The following PCDH15 variants were observed in gnomAD, a reference collection of about 807,000 sequenced individuals.
The protein encoded by PCDH15 is protocadherin-15.
In PCDH15, 129 loss-of-function variants were observed where a neutral mutation model predicts 178.5. The ratio of observed to expected loss-of-function variants is 0.72; its 90% CI spans 0.63 to 0.84. PCDH15 has a LOEUF of 0.84. Ranked by LOEUF, PCDH15 falls within the 40% of genes least tolerant of loss-of-function variation. PCDH15 has a pLI of 0.00. For missense variants in PCDH15, 2,230 were observed against 2,099.9 expected, an observed-to-expected ratio of 1.06 and a Z score of -1.21; for synonymous variants, 800 against 732.0, an observed-to-expected ratio of 1.09 and a Z score of -1.50.
At chr10:55,312,207 G>A (rs1162133978) in intron 1 of PCDH15, among the ~76,000 whole-genome samples, 1 of 152,168 alleles carries the variant, frequency 6.6e-6, no homozygotes, top group East Asian at 1.9e-4. Context: ...GCCGAAGAAA[G>A]CTATTAACTT....
chr10:54,491,669 T>C (rs1427985861), intron 3 of PCDH15, among the ~76,000 whole-genome samples: 1 of 152,184 alleles, frequency 6.6e-6, no homozygotes, highest in Non-Finnish European at 1.5e-5. Flanking sequence ...TTAAGAGCAA[T>C]ACAGAGAAGA....
intron 26 of PCDH15, among the ~76,000 whole-genome samples, chr10:53,871,197 T>A (rs1409328275): frequency 6.8e-6 from 1 of 147,528 alleles, no homozygotes; most frequent in Non-Finnish European, 1.5e-5. Flanking sequence ...AAAAATTAGC[T>A]GGGCGTCGTG....
rs538361756 is a variant in PCDH15, at chr10:55,329,909, G to T, written c.-155-163258C>A. ...ACAAATATGTAACTGTTTAATTAGG[G>T]TAATAGAGACTCCAATGTGGACACT... On this transcript the variant is annotated intron_variant, in intron 2 of 5. Coordinates refer to the PCDH15 transcript ENST00000613346. 5.3e-5 allele frequency among the ~76,000 whole-genome samples: 8 copies of T among 151,610 alleles called. No homozygotes were observed. The South Asian group carries it at 1.7e-3, about 32-fold the overall frequency.
chr10:54,351,564 T>C (rs1483075945), intron 5 of PCDH15, among the ~76,000 whole-genome samples: 1 of 152,182 alleles, frequency 6.6e-6, no homozygotes, highest in African/African-American at 2.4e-5. Flanking sequence ...AATTTCTTCA[T>C]ATTTTAATAT....
intron 23 of PCDH15, 29 bp downstream of exon 23, chr10:53,959,703 G>T: frequency 6.6e-7 from 1 of 1,523,036 alleles, no homozygotes; most frequent in Non-Finnish European, 9.1e-7. Context: ...AACATTTCGT[G>T]TATTTCAAAA....
intron 3 of PCDH15, among the ~76,000 whole-genome samples, chr10:54,417,321 C>A (rs1423845436): frequency 2.0e-5 from 3 of 152,010 alleles, no homozygotes; most frequent in Non-Finnish European, 4.4e-5. Context: ...TTTTTAAATA[C>A]TGGGACTTTT....
chr10:55,263,951 G>C (rs1482163464), intron 1 of PCDH15, among the ~76,000 whole-genome samples: 1 of 151,342 alleles, frequency 6.6e-6, no homozygotes, highest in South Asian at 2.1e-4. Flanking sequence ...TGCCAGGATG[G>C]TCTCGATCTC....
intron 1 of PCDH15, among the ~76,000 whole-genome samples, chr10:55,234,017 A>AT: frequency 6.6e-6 from 1 of 152,214 alleles, no homozygotes; most frequent in Non-Finnish European, 1.5e-5. Flanking sequence ...GGCTATGTTG[A>AT]TAGCTATGTT....
rs768629782 is a variant in PCDH15, at chr10:53,822,007, AGTTT to A, written c.4368-1781_4368-1778del. 1.2e-6 allele frequency: 2 copies of A among 1,613,944 alleles called. No individual in the cohort carries two copies. The highest frequency in any genetic ancestry group is 1.7e-6 in the Non-Finnish European group (2 of 1,179,880). On this transcript the variant is annotated intron_variant, in intron 32 of 37. Coordinates refer to ENST00000644397, the MANE Select transcript of PCDH15 (RefSeq NM_001384140.1). Reference sequence around the variant, plus strand: ...AGTTCTGAAACATTTGTGCGTAGATAGTTTTTTTCTATTTGACTGTACATGTTAG... The same window carrying A: ...AGTTCTGAAACATTTGTGCGTAGATATTTTCTATTTGACTGTACATGTTAG...
chr10:54,301,265 G>T, intron 8 of PCDH15, among the ~76,000 whole-genome samples: 1 of 152,074 alleles, frequency 6.6e-6, no homozygotes, highest in East Asian at 1.9e-4. Context: ...GACTCTTTGA[G>T]GTAGAGTAAG....
At chr10:54,508,293 G>T (rs1238110168) in intron 3 of PCDH15, among the ~76,000 whole-genome samples, 1 of 151,810 alleles carries the variant, frequency 6.6e-6, no homozygotes, top group African/African-American at 2.4e-5. Flanking sequence ...TCACTTAGAG[G>T]CATTGCAGCA....
At chr10:55,354,285 A>T (rs1845017335) in intron 2 of PCDH15, among the ~76,000 whole-genome samples, 1 of 152,116 alleles carries the variant, frequency 6.6e-6, no homozygotes, top group Admixed American at 6.6e-5. Context: ...CAATCATTTG[A>T]TATATGTGGA....
intron 2 of PCDH15, among the ~76,000 whole-genome samples, chr10:55,014,470 A>G (rs577768634): frequency 7.1e-4 from 107 of 151,708 alleles, no homozygotes; most frequent in Non-Finnish European, 1.2e-3. Context: ...ATATAAAGAA[A>G]TGATGCTTAT....
chr10:54,921,759 T>C (rs920871401), intron 2 of PCDH15, among the ~76,000 whole-genome samples: 1 of 152,130 alleles, frequency 6.6e-6, no homozygotes, highest in African/African-American at 2.4e-5. Context: ...AGAACTGGCA[T>C]AAAAAAACTA....
intron 1 of PCDH15, among the ~76,000 whole-genome samples, chr10:54,774,255 C>G (rs1949453867): frequency 6.6e-6 from 1 of 151,994 alleles, no homozygotes; most frequent in Middle Eastern, 3.4e-3. Flanking sequence ...GTCTCGATCT[C>G]CTGACCTCGT....
chr10:55,289,972 C>G (rs1322359742), intron 1 of PCDH15, among the ~76,000 whole-genome samples: 1 of 150,180 alleles, frequency 6.7e-6, no homozygotes, highest in African/African-American at 2.5e-5. Flanking sequence ...AGTTCTTCTG[C>G]TCTTCTGTCA....
At chr10:54,307,090 A>G (rs1472384939) in intron 8 of PCDH15, among the ~76,000 whole-genome samples, 6,958 of 17,156 alleles carry the variant, frequency 0.41, 2,008 homozygotes, top group Non-Finnish European at 0.48. Context: ...ACATATATAT[A>G]TATGTGTGTG....
At chr10:53,982,155 A>G (rs1318437421) in intron 21 of PCDH15, among the ~76,000 whole-genome samples, 2 of 152,148 alleles carry the variant, frequency 1.3e-5, no homozygotes, top group African/African-American at 4.8e-5. Flanking sequence ...GCAATCATTA[A>G]AAAGTCAGGA....
intron 2 of PCDH15, among the ~76,000 whole-genome samples, chr10:55,510,160 G>A (rs1337333799): frequency 6.6e-6 from 1 of 151,620 alleles, no homozygotes; most frequent in East Asian, 1.9e-4. Flanking sequence ...AAAAAATGTT[G>A]GTTTTCTCTT....
Sources: gnomAD v4.1 joint callset for allele counts (sites outside exome capture counted in the v4.1 genomes callset) on GRCh38, gnomAD v4.1.1 for gene constraint, MANE v1.5 for transcripts, NCBI Gene and HGNC (gene_info 2026-07-23, HGNC 2026-07-21) for gene names.